Variants in PCDHA7 observed in about 807,000 individuals in gnomAD.
The protein encoded by PCDHA7 is protocadherin alpha 7, also known as protocadherin alpha-7.
In PCDHA7, 37 loss-of-function variants were observed where a neutral mutation model predicts 57.2. That is an observed-to-expected ratio of 0.65 (90% CI 0.50 to 0.85). PCDHA7 has a LOEUF of 0.85. PCDHA7 is among the 40% of genes least tolerant of loss of function. The pLI, the probability that PCDHA7 is intolerant of heterozygous loss-of-function variation, is 0.00. For synonymous variants in PCDHA7, 553 were observed against 558.8 expected (o/e 0.99, Z 0.15); for missense variants, 1,188 against 1,241.8 (o/e 0.96, Z 0.65).
At chr5:140,885,131 CT>C (rs1162868700) in intron 1 of PCDHA7, among the ~76,000 whole-genome samples, 1 of 152,024 alleles carries the variant, frequency 6.6e-6, no homozygotes, top group Non-Finnish European at 1.5e-5. Flanking sequence ...TTCTTTCTTT[CT>C]TTTTTTAAAC....
chr5:140,884,241 C>G lies in PCDHA7; in HGVS notation c.2355+47503C>G, dbSNP rs782355331. 3.7e-6 allele frequency: 6 copies of G among 1,613,408 alleles called. No homozygotes were observed. The South Asian group carries it at 4.4e-5, about 12-fold the overall frequency. ...CTGGTGAAGGACCACGGTGAGCCCG[C>G]GCTGACGGCCACGGCAACGGTGCTG... On this transcript the variant is annotated intron_variant, in intron 1 of 3. Coordinates refer to ENST00000525929, the MANE Select transcript of PCDHA7 (RefSeq NM_018910.3).
chr5:140,910,103 T>C (rs1485345908), intron 1 of PCDHA7, among the ~76,000 whole-genome samples: 2 of 152,192 alleles, frequency 1.3e-5, no homozygotes, highest in Admixed American at 6.5e-5. Flanking sequence ...CTCCCCTTCA[T>C]TTAAGGGATT....
At chr5:140,841,748 T>C in intron 1 of PCDHA7, 6 of 1,613,846 alleles carry the variant, frequency 3.7e-6, no homozygotes, top group Non-Finnish European at 5.1e-6. Flanking sequence ...GCTGTTTGTT[T>C]CAGAATCCAG....
intron 1 of PCDHA7, chr5:140,876,192 G>C: frequency 6.2e-7 from 1 of 1,613,850 alleles, no homozygotes; most frequent in Non-Finnish European, 8.5e-7. Flanking sequence ...ACAATGGTCC[G>C]GCGTTTGATA....
chr5:140,837,266 T>C (rs1774990691), intron 1 of PCDHA7: 1 of 152,238 alleles, frequency 6.6e-6, no homozygotes, highest in African/African-American at 2.4e-5. Context: ...CATATTTGTG[T>C]AGCACTGACT....
rs1554263792 is a variant in PCDHA7 at position 141,012,059 on chromosome 5, C to T, written c.*2122C>T. 1 of 153,718 alleles carries T rather than the reference C, an allele frequency of 6.5e-6. No individual in the cohort carries two copies. The highest frequency in any genetic ancestry group is 1.5e-5 in the Non-Finnish European group (1 of 68,036). The allele number at this position is 153,718 out of a possible 1,614,324, so 9.5% of individuals were successfully genotyped here. A position where few individuals can be genotyped will look rare whatever the true frequency, so the allele number is the denominator to read the frequency against. ...TGCATGGGGTAAAACTTGTTACCAA[C>T]ACATGTGAACCATTGCTACATTGTA... On this transcript the variant is annotated 3_prime_UTR_variant, in exon 4 of 4. Transcript: ENST00000525929.
At chr5:140,993,616 C>A (rs1554253872) in intron 3 of PCDHA7, among the ~76,000 whole-genome samples, 2 of 151,688 alleles carry the variant, frequency 1.3e-5, no homozygotes, top group Admixed American at 6.6e-5. Context: ...TTGTTGGGAC[C>A]CTCTATATAT....
chr5:140,857,908 G>A (rs782073504), intron 1 of PCDHA7: 2 of 1,597,838 alleles, frequency 1.3e-6, no homozygotes, highest in Non-Finnish European at 1.7e-6. Flanking sequence ...CACGCATCCC[G>A]TTTCGCGTGG....
chr5:140,855,933 T>C, intron 1 of PCDHA7: 1 of 1,295,336 alleles, frequency 7.7e-7, no homozygotes, highest in Non-Finnish European at 1.1e-6. Flanking sequence ...AGCGTCATTC[T>C]GAGATCTCAG....
chr5:140,961,343 T>C (rs2095605708), intron 1 of PCDHA7, among the ~76,000 whole-genome samples: 1 of 152,210 alleles, frequency 6.6e-6, no homozygotes, highest in South Asian at 2.1e-4. Flanking sequence ...CAAGAGTGGA[T>C]CCCTGTAGTC....
chr5:140,991,923 C>T (rs996562269), intron 3 of PCDHA7, among the ~76,000 whole-genome samples: 1 of 152,088 alleles, frequency 6.6e-6, no homozygotes, highest in Non-Finnish European at 1.5e-5. Flanking sequence ...TGTAACATAA[C>T]ATATTCACAA....
In PCDHA7 at chr5:140,836,113, T is replaced by A; in HGVS notation, c.1730T>A (p.Val577Glu). 1 of 1,613,528 alleles carries A rather than the reference T, an allele frequency of 6.2e-7. No homozygotes were observed. Among genetic ancestry groups the A allele is most frequent in the South Asian group, 1.1e-5 (1 of 91,062 alleles). ...CGGGTGGGTGGCACTGGTGGCGCAGTGAGAGAGCTTGTGCCGCGGTCTGTG... is the reference window on the plus strand; with the variant it reads ...CGGGTGGGTGGCACTGGTGGCGCAGAGAGAGAGCTTGTGCCGCGGTCTGTG... ...APRVGGTGGAVRELVPRSVGA... is the reference protein window; with the variant it reads ...APRVGGTGGAERELVPRSVGA... The change falls in exon 1 of 4, where the codon GTG becomes GAG. Residue 577 changes from valine (V) to glutamate (E), a missense_variant. Coordinates refer to ENST00000525929, the MANE Select transcript of PCDHA7 (RefSeq NM_018910.3).
At chr5:140,882,188 A>G (rs1446435577) in intron 1 of PCDHA7, 6 of 1,519,650 alleles carry the variant, frequency 3.9e-6, no homozygotes, top group African/African-American at 1.4e-5. Context: ...CTAGGAAGCC[A>G]TAAAAATTGG....
At chr5:140,946,588 A>G (rs2093966025) in intron 1 of PCDHA7, among the ~76,000 whole-genome samples, 1 of 147,134 alleles carries the variant, frequency 6.8e-6, no homozygotes, top group South Asian at 2.1e-4. Context: ...TTCATAGTGG[A>G]TGAATAGATA....
At chr5:140,991,167 G>T (rs186627829) in intron 3 of PCDHA7, among the ~76,000 whole-genome samples, 2 of 152,270 alleles carry the variant, frequency 1.3e-5, no homozygotes, top group Non-Finnish European at 2.9e-5. Flanking sequence ...TATTCCCATT[G>T]TCAAGCAGGA....
chr5:140,908,795 A>C (rs2074156138), intron 1 of PCDHA7, among the ~76,000 whole-genome samples: 1 of 152,202 alleles, frequency 6.6e-6, no homozygotes, highest in South Asian at 2.1e-4. Context: ...TCTGTACTAC[A>C]TTAAAAAGTG....
rs368920437 is a variant in PCDHA7, at chr5:140,857,660, G to T, written c.2355+20922G>T. On this transcript the variant is annotated intron_variant, in intron 1 of 3. Coordinates refer to ENST00000525929, the MANE Select transcript of PCDHA7 (RefSeq NM_018910.3). ...GCTACAGTTCCAGGTGAGCGCGCGC[G>T]ATGGGGGCGTGCCGCCTCTGGGCAG... is the stretch of plus-strand genomic sequence containing the variant. 1.2e-5 allele frequency: 19 copies of T among 1,596,850 alleles called. 2 individuals are homozygous for T. In the East Asian group the frequency reaches 1.3e-4, roughly 11 times the overall value.
chr5:141,003,588 T>C (rs558863784), intron 3 of PCDHA7, among the ~76,000 whole-genome samples: 65 of 152,252 alleles, frequency 4.3e-4, no homozygotes, highest in African/African-American at 1.3e-3. Context: ...GCTGGGATTT[T>C]AGATGTGAGC....
chr5:140,912,445 A>C (rs1165607499), intron 1 of PCDHA7, among the ~76,000 whole-genome samples: 1 of 151,772 alleles, frequency 6.6e-6, no homozygotes, highest in African/African-American at 2.4e-5. Flanking sequence ...ATTTGTGTGC[A>C]TTGATTTTGT....
Sources: allele counts gnomAD v4.1 joint callset (sites outside exome capture counted in the v4.1 genomes callset), GRCh38; gene constraint gnomAD v4.1.1; transcripts MANE v1.5; gene names NCBI Gene and HGNC (gene_info 2026-07-23, HGNC 2026-07-21).